MS4A15: variants seen among roughly 807,000 people sequenced by gnomAD.
MS4A15 encodes the protein membrane-spanning 4-domains subfamily A member 15.
Under a neutral mutation model 20.6 loss-of-function variants are expected in MS4A15, and 22 were observed. That is an observed-to-expected ratio of 1.07 (90% CI 0.76 to 1.52). The LOEUF (loss-of-function observed/expected upper bound fraction) is 1.52, where lower values mean the gene tolerates loss of function less well. MS4A15 is among the 40% of genes most tolerant of loss of function. MS4A15 has a pLI of 0.00. For missense variants in MS4A15, 312 were observed against 323.0 expected, an observed-to-expected ratio of 0.97 and a Z score of 0.26; for synonymous variants, 129 against 129.3, an observed-to-expected ratio of 1.00 and a Z score of 0.02.
At chr11:60,774,904 C>T (rs996725595) in intron 6 of MS4A15, among the ~76,000 whole-genome samples, 3 of 152,052 alleles carry the variant, frequency 2.0e-5, no homozygotes, top group Admixed American at 1.3e-4. Flanking sequence ...TGTCCAGTGC[C>T]GGAAGGTGGA....
At chr11:60,772,234 G>A (rs763057493) in intron 4 of MS4A15, among the ~76,000 whole-genome samples, 9 of 152,202 alleles carry the variant, frequency 5.9e-5, no homozygotes, top group Non-Finnish European at 8.8e-5. Flanking sequence ...GGGGTGGGCC[G>A]AGAGGGAGAG....
chr11:60,773,200 C>G (rs976289548), intron 4 of MS4A15, among the ~76,000 whole-genome samples, 192 bp from the exon 5 acceptor site: 1 of 152,168 alleles, frequency 6.6e-6, no homozygotes, highest in African/African-American at 2.4e-5. Context: ...GACCTCCTCC[C>G]GAGGTCCCAG....
chr11:60,771,460 G>T (rs774289556), intron 4 of MS4A15, 113 bp downstream of exon 4: 24 of 1,556,348 alleles, frequency 1.5e-5, no homozygotes, highest in Non-Finnish European at 2.1e-5. Flanking sequence ...CACTTCAGGG[G>T]ACCTGCAAAG....
intron 1 of MS4A15, among the ~76,000 whole-genome samples, chr11:60,757,870 C>T (rs1472948755): frequency 6.6e-6 from 1 of 152,162 alleles, no homozygotes; most frequent in Non-Finnish European, 1.5e-5. Flanking sequence ...CGCTTTTTGG[C>T]GCATTCCCTG....
chr11:60,762,902 G>A (rs1171534071), intron 1 of MS4A15, among the ~76,000 whole-genome samples: 4 of 152,124 alleles, frequency 2.6e-5, no homozygotes, highest in African/African-American at 7.2e-5. Context: ...AATAAGGAAC[G>A]CTGAAAACAG....
At chr11:60,773,756 C>A in intron 5 of MS4A15, 81 bp from the exon 6 acceptor site, 5 of 1,189,356 alleles carry the variant, frequency 4.2e-6, no homozygotes, top group Non-Finnish European at 6.3e-6. Context: ...AGCCGCATGA[C>A]CTTGGGCAAG....
At chr11:60,767,721 C>T in intron 3 of MS4A15, 66 bp downstream of exon 3, 4 of 1,448,810 alleles carry the variant, frequency 2.8e-6, no homozygotes, top group Non-Finnish European at 3.6e-6. Context: ...CTCCCCCACG[C>T]GCCCACCCCC....
At chr11:60,771,486 A>C in intron 4 of MS4A15, 139 bp downstream of exon 4, 14 of 1,542,068 alleles carry the variant, frequency 9.1e-6, no homozygotes, top group Non-Finnish European at 1.0e-5. Flanking sequence ...GGGGAGGGGC[A>C]CCACCCAGGC....
At chr11:60,757,118 T>C (rs1298755974) in intron 1 of MS4A15, 60 bp downstream of exon 1, 7 of 152,076 alleles carry the variant, frequency 4.6e-5, no homozygotes, top group East Asian at 3.9e-4. Flanking sequence ...ATATCAGGGG[T>C]TGGATTATCA....
intron 4 of MS4A15, among the ~76,000 whole-genome samples, chr11:60,772,485 T>C (rs917305023): frequency 2.0e-5 from 3 of 152,188 alleles, no homozygotes; most frequent in African/African-American, 7.2e-5. Context: ...TACTCTCTCC[T>C]GGACTCACAG....
At chr11:60,772,829 C>T (rs761263998) in intron 4 of MS4A15, among the ~76,000 whole-genome samples, 1 of 152,164 alleles carries the variant, frequency 6.6e-6, no homozygotes, top group Non-Finnish European at 1.5e-5. Flanking sequence ...AGTCCTAGGC[C>T]TCTCAGCCCA....
intron 3 of MS4A15, 147 bp from the exon 4 acceptor site, chr11:60,771,144 C>A (rs879199378): frequency 2.5e-6 from 2 of 800,800 alleles, no homozygotes; most frequent in African/African-American, 1.7e-5. Flanking sequence ...ACACCCCTGC[C>A]GAGAGACCCC....
intron 3 of MS4A15, among the ~76,000 whole-genome samples, chr11:60,768,238 C>T (rs949128370): frequency 6.6e-5 from 10 of 152,176 alleles, no homozygotes; most frequent in Non-Finnish European, 1.3e-4. Context: ...TGGGTCCAAA[C>T]CACCTGCACT....
intron 1 of MS4A15, among the ~76,000 whole-genome samples, 200 bp from the exon 2 acceptor site, chr11:60,763,506 C>A (rs1276092898): frequency 6.6e-6 from 1 of 152,222 alleles, no homozygotes; most frequent in East Asian, 1.9e-4. Context: ...GAATTCAAAT[C>A]TCAGTCTTAC....
chr11:60,772,637 C>A (rs1387079772), intron 4 of MS4A15, among the ~76,000 whole-genome samples: 1 of 152,190 alleles, frequency 6.6e-6, no homozygotes, highest in Non-Finnish European at 1.5e-5. Context: ...GTCTTTAAAC[C>A]TGAAGAGGTC....
At chr11:60,765,895 A>T (rs1853874728) in intron 2 of MS4A15, among the ~76,000 whole-genome samples, 1 of 152,110 alleles carries the variant, frequency 6.6e-6, no homozygotes, top group Non-Finnish European at 1.5e-5. Flanking sequence ...AAAAAAAAAA[A>T]AATTGATGAG....
rs1854199889 is a variant in MS4A15 at position 60,776,580 on chromosome 11, A to T, written c.*865A>T. On this transcript the variant is annotated 3_prime_UTR_variant, in exon 7 of 7. Coordinates refer to ENST00000405633, the MANE Select transcript of MS4A15 (RefSeq NM_001098835.2). ...CCTTCCCCACCCCCATAGCCCAAGG[A>T]CAAGGCTACCACAGAAGGTTACCAC... 6.6e-6 allele frequency: 1 copy of T among 152,304 alleles called. No homozygotes were observed. 9.4% of individuals were successfully genotyped at this position (152,304 alleles called of 1,614,324 possible).
At chr11:60,774,030 T>A in intron 6 of MS4A15, 80 bp downstream of exon 6, 1 of 1,076,268 alleles carries the variant, frequency 9.3e-7, no homozygotes. Context: ...GGGAGCGCGC[T>A]CTGCCTCCAG....
At chr11:60,770,090 C>T (rs78896989) in intron 3 of MS4A15, among the ~76,000 whole-genome samples, 3 of 152,344 alleles carry the variant, frequency 2.0e-5, no homozygotes, top group East Asian at 1.9e-4. Flanking sequence ...GTGTGTCAGG[C>T]GACTGCCAAG....
Sources: gnomAD v4.1 joint callset for allele counts (sites outside exome capture counted in the v4.1 genomes callset) on GRCh38, gnomAD v4.1.1 for gene constraint, MANE v1.5 for transcripts, NCBI Gene and HGNC (gene_info 2026-07-23, HGNC 2026-07-21) for gene names.